The following FANCI variants were observed in gnomAD, a reference collection of about 807,000 sequenced individuals.
FANCI encodes the protein Fanconi anemia group I protein.
In FANCI, 156 loss-of-function variants were observed where a neutral mutation model predicts 176.1. That is an observed-to-expected ratio of 0.89 (90% CI 0.78 to 1.01). The LOEUF (loss-of-function observed/expected upper bound fraction) is 1.01. Ranked by LOEUF, FANCI falls within the 50% of genes least tolerant of loss-of-function variation. The pLI, the probability that FANCI is intolerant of heterozygous loss-of-function variation, is 0.00. For synonymous variants in FANCI, 613 were observed against 541.7 expected, an observed-to-expected ratio of 1.13 and a Z score of -1.83; for missense variants, 1,678 against 1,534.1, an observed-to-expected ratio of 1.09 and a Z score of -1.57.
intron 24 of FANCI, among the ~76,000 whole-genome samples, chr15:89,295,380 A>T (rs1211635793): frequency 6.6e-6 from 1 of 151,734 alleles, no homozygotes; most frequent in Non-Finnish European, 1.5e-5. Flanking sequence ...AAAAAAAAAA[A>T]AAAAGCCAGA....
At chr15:89,251,230 G>C (rs972435790) in intron 2 of FANCI, among the ~76,000 whole-genome samples, 1 of 152,102 alleles carries the variant, frequency 6.6e-6, no homozygotes, top group Non-Finnish European at 1.5e-5. Flanking sequence ...AATTTCTTAG[G>C]CACGTACAGT....
chr15:89,307,935 G>C, intron 34 of FANCI: 1 of 1,346,632 alleles, frequency 7.4e-7, no homozygotes, highest in Non-Finnish European at 9.6e-7. Flanking sequence ...AGCATGCTCA[G>C]GCTCAAGGAC....
At chr15:89,268,103 T>G (rs765345400) in intron 9 of FANCI, among the ~76,000 whole-genome samples, 18 of 152,168 alleles carry the variant, frequency 1.2e-4, no homozygotes, top group East Asian at 1.9e-4. Flanking sequence ...ATACCTTTTT[T>G]TTGTTGTTGT....
chr15:89,264,172 A>G (rs781129985), intron 8 of FANCI, 146 bp downstream of exon 8: 19 of 936,578 alleles, frequency 2.0e-5, no homozygotes, highest in Non-Finnish European at 3.3e-5. Context: ...ATAGCCGAAC[A>G]TAGATGCTTT....
chr15:89,295,978 T>G (rs539182918), intron 24 of FANCI, among the ~76,000 whole-genome samples: 75 of 152,128 alleles, frequency 4.9e-4, no homozygotes, highest in Middle Eastern at 3.4e-3. Context: ...TATTTACTAC[T>G]TTTTTTGGAG....
Position 89,316,796 on chromosome 15 carries a change from T to C in FANCI, c.*337T>C. ...GTTTTTCCAAGGAGCCTTTGGTGAG[T>C]TCAATTATCTGGTAAATATCCAGCG... On this transcript the variant is annotated 3_prime_UTR_variant, in exon 38 of 38. Transcript: ENST00000310775. The C allele has an allele frequency of 6.2e-7, 1 of 1,613,868 alleles. No homozygotes were observed. The highest frequency in any genetic ancestry group is 8.5e-7 in the Non-Finnish European group (1 of 1,179,846).
At chr15:89,247,274 A>G (rs1328374915) in intron 1 of FANCI, among the ~76,000 whole-genome samples, 1 of 152,168 alleles carries the variant, frequency 6.6e-6, no homozygotes, top group Non-Finnish European at 1.5e-5. Flanking sequence ...TTATGGTAAT[A>G]TATAATGTAT....
At chr15:89,253,912 A>ATAT (rs199756374) in intron 2 of FANCI, among the ~76,000 whole-genome samples, 5,307 of 112,184 alleles carry the variant, frequency 0.047, 299 homozygotes, top group African/African-American at 0.19. Context: ...AATAAGAGAA[A>ATAT]AATAAAATAA....
intron 15 of FANCI, 26 bp from the exon 16 acceptor site, chr15:89,281,739 G>T: frequency 6.2e-7 from 1 of 1,610,308 alleles, no homozygotes; most frequent in Non-Finnish European, 8.5e-7. Flanking sequence ...AACTTGTTCT[G>T]TTTTTACCCA....
chr15:89,281,607 A>G (rs1315371109), intron 15 of FANCI, among the ~76,000 whole-genome samples, 158 bp from the exon 16 acceptor site: 3 of 152,220 alleles, frequency 2.0e-5, no homozygotes, highest in African/African-American at 7.2e-5. Flanking sequence ...AGTGTTTCAG[A>G]GTATACTATT....
chr15:89,260,687 C>T, intron 3 of FANCI, 26 bp from the exon 4 acceptor site: 1 of 1,611,162 alleles, frequency 6.2e-7, no homozygotes, highest in South Asian at 1.1e-5. Flanking sequence ...AGACTTGTTT[C>T]TGAACCCCCT....
chr15:89,261,384 C>T (rs1369381999), intron 4 of FANCI, among the ~76,000 whole-genome samples: 1 of 152,118 alleles, frequency 6.6e-6, no homozygotes, highest in Non-Finnish European at 1.5e-5. Context: ...ATCAGGGAAC[C>T]GATACAGGAT....
chr15:89,294,782 C>A, intron 23 of FANCI, 133 bp from the exon 24 acceptor site: 1 of 829,088 alleles, frequency 1.2e-6, no homozygotes, highest in Non-Finnish European at 1.8e-6. Context: ...CCTAGAGAGT[C>A]TGCCAGTCGG....
At chr15:89,267,334 T>G (rs867748437) in intron 9 of FANCI, among the ~76,000 whole-genome samples, 2 of 143,856 alleles carry the variant, frequency 1.4e-5, no homozygotes, top group Non-Finnish European at 3.0e-5. Flanking sequence ...AAAAAAAAAT[T>G]TTTTTTTTTT....
chr15:89,307,400 C>G, intron 32 of FANCI, 76 bp from the exon 33 acceptor site: 1 of 1,401,010 alleles, frequency 7.1e-7, no homozygotes, highest in Non-Finnish European at 1.0e-6. Context: ...ATGAGTCACA[C>G]TCCATAGGCT....
Position 89,273,457 on chromosome 15 carries a change from A to T in FANCI, c.963A>T (p.Arg321Ser). 1 of 1,578,286 alleles carries T rather than the reference A, an allele frequency of 6.3e-7. No homozygotes were observed. Among genetic ancestry groups the T allele is most frequent in the Non-Finnish European group, 8.7e-7 (1 of 1,151,762 alleles). Reference sequence around the variant, plus strand: ...TTCTGTCTGTAACAAGAATACAAAGATTTCAGGACCAGGTATTTTTTTAAA... The same window carrying T: ...TTCTGTCTGTAACAAGAATACAAAGTTTTCAGGACCAGGTATTTTTTTAAA... Reference protein sequence around the residue: ...ALLLSVTRIQRFQDQVLDLLK... With the variant: ...ALLLSVTRIQSFQDQVLDLLK... Residue 321 changes from arginine (R) to serine (S), a missense_variant, in exon 11 of 38, where the codon AGA (arginine) becomes AGT (serine). By Grantham distance (110) the Arg-to-Ser change is moderately radical. This residue lies in a region of FANCI where 469 missense variants were observed against 436.9 expected (regional missense o/e 1.07). Coordinates refer to ENST00000310775, the MANE Select transcript of FANCI (RefSeq NM_001113378.2).
intron 25 of FANCI, 117 bp from the exon 26 acceptor site, chr15:89,300,183 T>A: frequency 8.6e-7 from 1 of 1,158,562 alleles, no homozygotes; most frequent in Non-Finnish European, 1.3e-6. Context: ...TCACAAAATT[T>A]TAGAAATTTA....
chr15:89,311,500 C>T (rs895721652), intron 34 of FANCI, among the ~76,000 whole-genome samples: 3 of 151,308 alleles, frequency 2.0e-5, no homozygotes, highest in Admixed American at 6.6e-5. Context: ...CAGGGTTGAT[C>T]TAAGGAGTTC....
intron 11 of FANCI, among the ~76,000 whole-genome samples, 188 bp downstream of exon 11, chr15:89,273,657 T>C (rs1302461616): frequency 6.6e-6 from 1 of 152,198 alleles, no homozygotes; most frequent in Non-Finnish European, 1.5e-5. Context: ...GGAAAACTTT[T>C]ACAGGTTTTT....
Sources: allele counts gnomAD v4.1 joint callset (sites outside exome capture counted in the v4.1 genomes callset), GRCh38; gene constraint gnomAD v4.1.1; regional missense constraint gnomAD v4.1.1; transcripts MANE v1.5; gene names NCBI Gene and HGNC (gene_info 2026-07-23, HGNC 2026-07-21).